The following PGAM1 variants were observed in gnomAD, a reference collection of about 807,000 sequenced individuals.
The protein encoded by PGAM1 is phosphoglycerate mutase 1, also known as BPG-dependent PGAM 1.
PGAM1 carries 21 observed loss-of-function variants against 23.5 expected under a neutral mutation model. The ratio of observed to expected loss-of-function variants is 0.89; its 90% CI spans 0.63 to 1.29. The LOEUF (loss-of-function observed/expected upper bound fraction) is 1.29, where lower values mean the gene tolerates loss of function less well. Among genes scored for constraint, PGAM1 ranks in the 50% most tolerant of loss-of-function variants. PGAM1 has a pLI of 0.00. For missense variants in PGAM1, 232 were observed against 336.3 expected, an observed-to-expected ratio of 0.69 and a Z score of 2.42; for synonymous variants, 109 against 128.6, an observed-to-expected ratio of 0.85 and a Z score of 1.03.
Position 97,426,265 on chromosome 10 carries a change from A to C in PGAM1, c.-43A>C, listed in dbSNP as rs760428608. ...CCGACGGGGCGGGCTGCTACTCCGG[A>C]ATCTGCTAATCCCAGTCGGTGCCGC... On this transcript the variant is annotated 5_prime_UTR_variant, in exon 1 of 4. Coordinates refer to ENST00000334828, the MANE Select transcript of PGAM1 (RefSeq NM_002629.4). The C allele has an allele frequency of 1.7e-5, 27 of 1,609,568 alleles. No individual in the cohort carries two copies. The highest frequency in any genetic ancestry group is 2.2e-5 in the East Asian group (1 of 44,802).
Position 97,433,044 on chromosome 10 carries a change from G to A in PGAM1, c.*520G>A, listed in dbSNP as rs1845488709. 1 of 157,000 alleles carries A rather than the reference G, an allele frequency of 6.4e-6. No individual in the cohort carries two copies. The highest frequency in any genetic ancestry group is 2.5e-5 in the African/African-American group (1 of 39,706). The allele number at this position is 157,000 out of a possible 1,614,324, so 9.7% of individuals were successfully genotyped here. A position where few individuals can be genotyped will look rare whatever the true frequency, so the allele number is the denominator to read the frequency against. On this transcript the variant is annotated 3_prime_UTR_variant, in exon 4 of 4. Coordinates refer to ENST00000334828, the MANE Select transcript of PGAM1 (RefSeq NM_002629.4). ...CTGACCCCAGAGGATCTGGCTCTAG[G>A]TTGGGATCAATCCTGAATTTCGTTA...
intron 3 of PGAM1, among the ~76,000 whole-genome samples, chr10:97,431,449 C>T (rs1845470900): frequency 6.6e-6 from 1 of 152,174 alleles, no homozygotes; most frequent in African/African-American, 2.4e-5. Flanking sequence ...AAGCTCACCT[C>T]TAGATTGGTA....
chr10:97,428,773 GT>G (rs1234551199), intron 1 of PGAM1, among the ~76,000 whole-genome samples: 16 of 152,228 alleles, frequency 1.1e-4, no homozygotes, highest in African/African-American at 3.9e-4. Flanking sequence ...GATGAGACCT[GT>G]TTTTTCTCTT....
rs138208659 is a variant in PGAM1 at position 97,430,959 on chromosome 10, G to T, written c.419G>T (p.Arg140Leu). Residue 140 changes from arginine to leucine, a missense_variant, in exon 3 of 4, where the codon CGC becomes CTC. Coordinates refer to ENST00000334828, the MANE Select transcript of PGAM1 (RefSeq NM_002629.4). ...HPFYSNISKD[R>L]RYADLTEDQL... ...CTTGGATTCTTTATTGCTTAGGATCGCAGGTATGCAGACCTCACAGAAGAT... is the reference window on the plus strand; with the variant it reads ...CTTGGATTCTTTATTGCTTAGGATCTCAGGTATGCAGACCTCACAGAAGAT... The T allele has an allele frequency of 1.2e-6, 2 of 1,613,700 alleles. No individual in the cohort carries two copies. Among genetic ancestry groups the T allele is most frequent in the Non-Finnish European group, 1.7e-6 (2 of 1,179,830 alleles).
chr10:97,430,235 G>A (rs76098305), intron 1 of PGAM1, 144 bp from the exon 2 acceptor site: 59,069 of 974,890 alleles, frequency 0.061, 2,032 homozygotes, highest in South Asian at 0.078. Flanking sequence ...TAGAGTGCAA[G>A]GATAAACAAA....
intron 1 of PGAM1, chr10:97,427,541 C>A (rs1027913146): frequency 9.0e-7 from 1 of 1,114,146 alleles, no homozygotes; most frequent in East Asian, 7.1e-5. Flanking sequence ...GTCCAGTGTC[C>A]TCGCCCTAGT....
chr10:97,426,520 C>T (rs886746382), intron 1 of PGAM1, 74 bp downstream of exon 1: 19 of 1,481,802 alleles, frequency 1.3e-5, no homozygotes, highest in Non-Finnish European at 1.6e-5. Flanking sequence ...GGCGTCTGCG[C>T]CCTCTCGGAG....
At chr10:97,430,792 A>T in intron 2 of PGAM1, 139 bp downstream of exon 2, 3 of 1,441,302 alleles carry the variant, frequency 2.1e-6, no homozygotes, top group Non-Finnish European at 2.9e-6. Context: ...ACCTTCACTT[A>T]CTAGAAGATA....
intron 1 of PGAM1, among the ~76,000 whole-genome samples, chr10:97,429,351 A>T (rs1359249372): frequency 1.3e-5 from 2 of 151,900 alleles, no homozygotes; most frequent in Admixed American, 6.6e-5. Context: ...TGATCTGCCC[A>T]CCTCGGCCTC....
At chr10:97,428,595 G>C (rs1407225587) in intron 1 of PGAM1, among the ~76,000 whole-genome samples, 1 of 152,224 alleles carries the variant, frequency 6.6e-6, no homozygotes, top group Non-Finnish European at 1.5e-5. Context: ...CCGCCTCATT[G>C]CAAGTGGAAA....
rs535329250 is a variant in PGAM1 at position 97,426,260 on chromosome 10, T to C, written c.-48T>C. ...CGCGGCCGACGGGGCGGGCTGCTAC[T>C]CCGGAATCTGCTAATCCCAGTCGGT... On this transcript the variant is annotated 5_prime_UTR_variant, in exon 1 of 4. Coordinates refer to ENST00000334828, the MANE Select transcript of PGAM1 (RefSeq NM_002629.4). The C allele has an allele frequency of 6.8e-6, 11 of 1,609,536 alleles. No homozygotes were observed. In the Admixed American group the frequency reaches 8.3e-5, roughly 12 times the overall value.
intron 3 of PGAM1, among the ~76,000 whole-genome samples, 180 bp downstream of exon 3, chr10:97,431,315 A>G (rs1429447606): frequency 6.6e-6 from 1 of 152,220 alleles, no homozygotes; most frequent in Non-Finnish European, 1.5e-5. Context: ...TGTGATCTGC[A>G]GAATAGTGAC....
At chr10:97,431,248 G>A in intron 3 of PGAM1, 113 bp downstream of exon 3, 2 of 1,251,494 alleles carry the variant, frequency 1.6e-6, no homozygotes, top group Admixed American at 3.7e-5. Flanking sequence ...AACAGCTTTA[G>A]AGATGGTCTA....
intron 1 of PGAM1, among the ~76,000 whole-genome samples, chr10:97,428,441 CCT>C (rs1845434615): frequency 6.6e-6 from 1 of 152,128 alleles, no homozygotes; most frequent in South Asian, 2.1e-4. Context: ...CACTCCTACC[CCT>C]GTGAGTGCCC....
At chr10:97,428,030 C>T in intron 1 of PGAM1, 1 of 959,534 alleles carries the variant, frequency 1.0e-6, no homozygotes, top group African/African-American at 1.7e-5. Flanking sequence ...ATGGAAAGTG[C>T]TGGTAAAGGA....
Position 97,426,316 on chromosome 10 carries a change from C to T in PGAM1, c.9C>T (p.Ala3=). The change falls in exon 1 of 4, where the codon GCC becomes GCT. Residue 3 remains alanine (A), a synonymous_variant. Transcript: ENST00000334828. MA[A]YKLVLIRHGE... is the part of the protein sequence containing the mutation. The stretch of plus-strand genomic sequence containing the variant: ...ATCCCCAGCCCGCCGCCATGGCCGC[C>T]TACAAACTGGTGCTGATCCGGCACG... The T allele has an allele frequency of 6.2e-7, 1 of 1,610,540 alleles. No homozygotes were observed. The highest frequency in any genetic ancestry group is 1.1e-5 in the South Asian group (1 of 90,962).
At position 97,428,721 on chromosome 10, in the gene PGAM1, C is replaced by T. The variant is rs141338730; in HGVS notation, c.140-1658C>T. ...ATTCCTTTCCTTACAGTTAGGAAGG[C>T]GACAGTGAGTGAGTCTACTAGGACT... is the stretch of plus-strand genomic sequence containing the variant. On this transcript the variant is annotated intron_variant, in intron 1 of 3. Coordinates refer to ENST00000334828, the MANE Select transcript of PGAM1 (RefSeq NM_002629.4). 1.9e-3 allele frequency among the ~76,000 whole-genome samples: 291 copies of T among 152,212 alleles called. 1 individual carries two copies. The highest frequency in any genetic ancestry group is 6.5e-3 in the African/African-American group (272 of 41,538).
chr10:97,426,575 T>C, intron 1 of PGAM1, 129 bp downstream of exon 1: 1 of 1,222,538 alleles, frequency 8.2e-7, no homozygotes, highest in Non-Finnish European at 1.1e-6. Context: ...GTTTAGTGTG[T>C]AGTTGAGAAG....
chr10:97,432,269 T>A, intron 3 of PGAM1, 86 bp from the exon 4 acceptor site: 4 of 1,567,200 alleles, frequency 2.6e-6, no homozygotes, highest in Non-Finnish European at 3.5e-6. Flanking sequence ...TCTGTCAAAG[T>A]CCTTTATCAC....
Sources: allele counts gnomAD v4.1 joint callset (sites outside exome capture counted in the v4.1 genomes callset), GRCh38; gene constraint gnomAD v4.1.1; transcripts MANE v1.5; gene names NCBI Gene and HGNC (gene_info 2026-07-23, HGNC 2026-07-21).